Variants in ZFYVE19 observed in about 807,000 individuals in gnomAD.
ZFYVE19 encodes the protein zinc finger FYVE-type containing 19, also known as abscission/NoCut checkpoint regulator.
In ZFYVE19, 49 loss-of-function variants were observed where a neutral mutation model predicts 62.8. The ratio of observed to expected loss-of-function variants is 0.78; its 90% confidence interval spans 0.62 to 0.99. ZFYVE19 has a LOEUF of 0.99. ZFYVE19 is among the 50% of genes least tolerant of loss of function. The probability of loss-of-function intolerance (pLI) is 0.00; values close to 1 mark genes in which losing one functional copy is unlikely to be tolerated. For synonymous variants in ZFYVE19, 242 were observed against 234.3 expected (o/e 1.03, Z -0.30); for missense variants, 630 against 601.9 (o/e 1.05, Z -0.49).
Position 40,812,649 on chromosome 15 carries a change from GGAGA to G in ZFYVE19, c.827-47_827-44del, listed in dbSNP as rs779004944. The G allele has an allele frequency of 3.4e-6, 5 of 1,476,134 alleles. No individual in the cohort carries two copies. The South Asian group carries it at 5.7e-5, about 17-fold the overall frequency. The allele number at this position is 1,476,134 out of a possible 1,614,324, so 91.4% of individuals were successfully genotyped here. On this transcript the variant is annotated intron_variant, in intron 6 of 10. Coordinates refer to ENST00000355341, the MANE Select transcript of ZFYVE19 (RefSeq NM_001077268.2). ...GAGAAATGGGCTCATTGGCTTCTGA[GGAGA>G]GATACTGGGATGTCTCGGCCTTGCT...
At chr15:40,813,627 G>C in intron 8 of ZFYVE19, 86 bp from the exon 9 acceptor site, 2 of 1,329,402 alleles carry the variant, frequency 1.5e-6, no homozygotes, top group Non-Finnish European at 2.1e-6. Context: ...AGTTTGAGAA[G>C]CTAAGTCCAC....
Position 40,814,002 on chromosome 15 carries a change from C to T in ZFYVE19, c.1269C>T (p.Ile423=). The change falls in exon 10 of 11, where the codon ATC becomes ATT. Residue 423 remains isoleucine, a synonymous_variant. Coordinates refer to ENST00000355341, the MANE Select transcript of ZFYVE19 (RefSeq NM_001077268.2). ...AAGAGGAGCTCCCCTGGTGCTGCAT[C>T]TGCAATGAGGATGCCACCCTACGCT... The part of the protein sequence containing the change: ...AEEEELPWCC[I]CNEDATLRCA... The T allele has an allele frequency of 6.2e-7, 1 of 1,613,890 alleles. No individual in the cohort carries two copies. Among genetic ancestry groups the T allele is most frequent in the Non-Finnish European group, 8.5e-7 (1 of 1,179,882 alleles).
rs1890261345 is a variant in ZFYVE19, at chr15:40,807,201, G to A, written c.-389G>A. On this transcript the variant is annotated 5_prime_UTR_variant, in exon 1 of 11. Transcript: ENST00000355341. ...CGCTTCCTCTTGAGGCCCTCGGACC[G>A]TCCAGGAAATGTCTGGGAGCCCGCC... 8 of 1,498,646 alleles carry A rather than the reference G, an allele frequency of 5.3e-6. No homozygotes were observed. The highest frequency in any genetic ancestry group is 1.4e-5 in the African/African-American group (1 of 72,320). The allele number at this position is 1,498,646 out of a possible 1,614,324, so 92.8% of individuals were successfully genotyped here.
intron 7 of ZFYVE19, 78 bp downstream of exon 7, chr15:40,812,980 G>T (rs1197207728): frequency 2.9e-5 from 44 of 1,513,868 alleles, no homozygotes; most frequent in Non-Finnish European, 3.7e-5. Flanking sequence ...GGTGCTGGGG[G>T]TATTTGCGCC....
rs758745652 is a variant in ZFYVE19 at position 40,809,435 on chromosome 15, G to A, written c.429G>A (p.Trp143Ter). The A allele has an allele frequency of 3.1e-6, 5 of 1,614,052 alleles. No individual in the cohort carries two copies. Among genetic ancestry groups the A allele is most frequent in the African/African-American group, 2.7e-5 (2 of 74,928 alleles). ...TRGSSANASKWSPPQNYKKRV... is the reference protein window; with the variant it reads ...TRGSSANASK ...GGTCTTCTGCCAATGCCTCCAAGTG[G>A]TCACCACCTCAGAACTATAAGAAGT... Residue 143 changes from tryptophan to a stop codon, truncating the protein, a stop_gained, in exon 3 of 11, where the codon TGG becomes TGA. Transcript: ENST00000355341. LOFTEE classifies it high-confidence loss of function.
intron 1 of ZFYVE19, chr15:40,808,807 T>C (rs1890372944): frequency 3.0e-6 from 1 of 328,774 alleles, no homozygotes; most frequent in Admixed American, 4.5e-5. Flanking sequence ...TGATTCTCCT[T>C]TGTGGAAGAG....
In ZFYVE19 at chr15:40,807,852, C is replaced by T. The variant is rs1890314502; in HGVS notation, c.263C>T (p.Thr88Ile). The T allele has an allele frequency of 1.3e-6, 2 of 1,535,772 alleles. No homozygotes were observed. The change falls in exon 1 of 11, where the codon ACC becomes ATC. Residue 88 changes from threonine (T) to isoleucine (I), a missense_variant. Coordinates refer to ENST00000355341, the MANE Select transcript of ZFYVE19 (RefSeq NM_001077268.2). ...TGCTACGGCTGCGCTGTCAAGTTCA[C>T]CCTCTTCAAGAAGGAGGCGAGTCTT... ...SRCYGCAVKF[T>I]LFKKEYGCKN...
intron 1 of ZFYVE19, chr15:40,808,434 G>C (rs1890352860): frequency 1.3e-6 from 2 of 1,582,774 alleles, no homozygotes; most frequent in African/African-American, 1.3e-5. Flanking sequence ...ATGGGAACTA[G>C]ATGGAGTAAA....
intron 1 of ZFYVE19, 145 bp downstream of exon 1, chr15:40,808,013 T>G: frequency 2.6e-6 from 3 of 1,154,232 alleles, no homozygotes; most frequent in Non-Finnish European, 3.8e-6. Context: ...TCCATTTCTG[T>G]AAAATGGGGC....
intron 6 of ZFYVE19, 133 bp downstream of exon 6, chr15:40,810,890 G>A: frequency 8.3e-7 from 1 of 1,207,158 alleles, no homozygotes; most frequent in Non-Finnish European, 1.1e-6. Flanking sequence ...ACCATTCATT[G>A]AGTGCTTACT....
At chr15:40,812,634 CTCA>C (rs1890530413) in intron 6 of ZFYVE19, 62 bp from the exon 7 acceptor site, 1 of 1,219,550 alleles carries the variant, frequency 8.2e-7, no homozygotes, top group Non-Finnish European at 1.2e-6. Flanking sequence ...GAGAAATGGG[CTCA>C]TTGGCTTCTG....
At chr15:40,808,245 C>A in intron 1 of ZFYVE19, 1 of 1,596,418 alleles carries the variant, frequency 6.3e-7, no homozygotes, top group Non-Finnish European at 8.5e-7. Context: ...AAATCTTCCC[C>A]ATCCCGCAGC....
At position 40,814,874 on chromosome 15, in the gene ZFYVE19, T is replaced by C; in HGVS notation, c.*648T>C. On this transcript the variant is annotated 3_prime_UTR_variant, in exon 11 of 11. Transcript: ENST00000355341. Reference sequence around the variant, plus strand: ...AGGAACAATGCACACACACCCTGCTTCCTGCCTTACTGGCAAAGGACCCCA... The same window carrying C: ...AGGAACAATGCACACACACCCTGCTCCCTGCCTTACTGGCAAAGGACCCCA... 1 of 154,638 alleles carries C rather than the reference T, an allele frequency of 6.5e-6. No individual in the cohort carries two copies. Among genetic ancestry groups the C allele is most frequent in the Non-Finnish European group, 1.4e-5 (1 of 69,576 alleles). The allele number at this position is 154,638 out of a possible 1,614,324, so 9.6% of individuals were successfully genotyped here.
chr15:40,809,938 G>T lies in ZFYVE19; in HGVS notation c.539G>T (p.Arg180Leu), dbSNP rs769849615. ...LTRQDQMIAE[R>L]LARLRQENKP... ...CGACAAGACCAGATGATTGCTGAGC[G>T]CCTAGCACGACTCCGCCAGGAGAAC... The change falls in exon 4 of 11, where the codon CGC becomes CTC. Residue 180 changes from arginine (R) to leucine (L), a missense_variant. Physicochemically the swap from Arg to Leu is moderately radical, Grantham distance 102. Coordinates refer to ENST00000355341, the MANE Select transcript of ZFYVE19 (RefSeq NM_001077268.2). The T allele has an allele frequency of 6.2e-7, 1 of 1,614,078 alleles. No individual in the cohort carries two copies. Among genetic ancestry groups the T allele is most frequent in the Non-Finnish European group, 8.5e-7 (1 of 1,180,040 alleles).
Position 40,814,294 on chromosome 15 carries a change from G to A in ZFYVE19, c.*68G>A. 6.4e-7 allele frequency: 1 copy of A among 1,571,690 alleles called. No individual in the cohort carries two copies. The highest frequency in any genetic ancestry group is 8.7e-7 in the Non-Finnish European group (1 of 1,151,670). ...GCACCCATTTCTGGGCCCAGCCACAGGACGTCCGATGGGAGAGCTTGTCTG... is the reference window on the plus strand; with the variant it reads ...GCACCCATTTCTGGGCCCAGCCACAAGACGTCCGATGGGAGAGCTTGTCTG... On this transcript the variant is annotated 3_prime_UTR_variant, in exon 11 of 11. Coordinates refer to ENST00000355341, the MANE Select transcript of ZFYVE19 (RefSeq NM_001077268.2).
rs1244194738 is a variant in ZFYVE19 at position 40,810,635 on chromosome 15, C to T, written c.718-14C>T. 7 of 1,556,126 alleles carry T rather than the reference C, an allele frequency of 4.5e-6. No homozygotes were observed. The East Asian group carries it at 1.7e-4, about 38-fold the overall frequency. On this transcript the variant is annotated splice_polypyrimidine_tract_variant and intron_variant, in intron 5 of 10. Transcript: ENST00000355341. ...CTACCCCTGCTCTCCACTGAGGTTT[C>T]CTCGTCTGTGCAGGCACATCACACA...
At chr15:40,810,619 C>T (rs1251555935) in intron 5 of ZFYVE19, 30 bp from the exon 6 acceptor site, 4 of 1,552,192 alleles carry the variant, frequency 2.6e-6, no homozygotes. Context: ...GCTACCCCTG[C>T]TCTCCACTGA....
At chr15:40,813,049 G>T in intron 7 of ZFYVE19, 147 bp downstream of exon 7, 1 of 960,002 alleles carries the variant, frequency 1.0e-6, no homozygotes, top group South Asian at 1.6e-5. Flanking sequence ...AAAGCAGTGG[G>T]TGAGGAGTCA....
At position 40,810,730 on chromosome 15, in the gene ZFYVE19, G is replaced by T; in HGVS notation, c.799G>T (p.Asp267Tyr). ...GCAGCTGGCAGCTGAGGTGGCTATC[G>T]ATGAAAGCTGGAAAGGAGGAGGCCC... Reference protein sequence around the residue: ...LTQLAAEVAIDESWKGGGPAA... With the variant: ...LTQLAAEVAIYESWKGGGPAA... Residue 267 changes from aspartate (D) to tyrosine (Y), a missense_variant, in exon 6 of 11, where the codon GAT (aspartate) becomes TAT (tyrosine). By Grantham distance (160) the Asp-to-Tyr change is radical (BLOSUM62 -3). Coordinates refer to ENST00000355341, the MANE Select transcript of ZFYVE19 (RefSeq NM_001077268.2). 6.4e-7 allele frequency: 1 copy of T among 1,566,742 alleles called. No homozygotes were observed. Among genetic ancestry groups the T allele is most frequent in the East Asian group, 2.4e-5 (1 of 42,484 alleles).
Sources: gnomAD v4.1 joint callset for allele counts on GRCh38, gnomAD v4.1.1 for gene constraint, MANE v1.5 for transcripts, NCBI Gene and HGNC (gene_info 2026-07-23, HGNC 2026-07-21) for gene names.